CLPX: variants seen among roughly 807,000 people sequenced by gnomAD.
CLPX encodes the protein caseinolytic mitochondrial matrix peptidase chaperone subunit X, also known as ATP-dependent clpX-like chaperone, mitochondrial.
CLPX carries 34 observed loss-of-function variants against 76.4 expected under a neutral mutation model. The ratio of observed to expected loss-of-function variants is 0.45; its 90% CI spans 0.34 to 0.59. The LOEUF is 0.59. CLPX is among the 20% of genes least tolerant of loss of function. CLPX has a pLI of 0.01. For missense variants in CLPX, 613 were observed against 757.0 expected, an observed-to-expected ratio of 0.81 and a Z score of 2.23; for synonymous variants, 248 against 270.9, an observed-to-expected ratio of 0.92 and a Z score of 0.83.
intron 8 of CLPX, among the ~76,000 whole-genome samples, chr15:65,157,332 G>C (rs984478731): frequency 1.3e-5 from 2 of 152,156 alleles, no homozygotes; most frequent in African/African-American, 4.8e-5. Context: ...ACGTGAACAA[G>C]AACAGATGAT....
chr15:65,184,403 G>A (rs776839264), intron 1 of CLPX: 2 of 152,300 alleles, frequency 1.3e-5, no homozygotes, highest in Non-Finnish European at 2.9e-5. Context: ...AAGGACTGCT[G>A]AAACACCCAA....
intron 1 of CLPX, among the ~76,000 whole-genome samples, chr15:65,182,712 A>G (rs984664327): frequency 6.6e-6 from 1 of 152,206 alleles, no homozygotes; most frequent in Admixed American, 6.5e-5. Flanking sequence ...TGTAAACCCC[A>G]GGTGAAGCTC....
intron 4 of CLPX, among the ~76,000 whole-genome samples, chr15:65,165,187 G>A (rs2140628493): frequency 6.6e-6 from 1 of 152,046 alleles, no homozygotes; most frequent in Admixed American, 6.6e-5. Context: ...AATTAGCTGG[G>A]CATAGTGGTA....
intron 12 of CLPX, among the ~76,000 whole-genome samples, chr15:65,153,051 G>T (rs748074869): frequency 6.6e-6 from 1 of 151,662 alleles, no homozygotes; most frequent in South Asian, 2.1e-4. Context: ...GCCCGATCCC[G>T]ATTTTCTGTG....
At chr15:65,158,339 AG>A in intron 7 of CLPX, 1 of 428,366 alleles carries the variant, frequency 2.3e-6, no homozygotes. Context: ...ATTTAGATAT[AG>A]CTGTTTTTTA....
intron 3 of CLPX, among the ~76,000 whole-genome samples, chr15:65,167,359 C>T (rs1168750811): frequency 6.6e-6 from 1 of 152,016 alleles, no homozygotes. Context: ...CGTGAGCCAC[C>T]GCACCCGGCC....
At chr15:65,162,261 C>CAA (rs939902581) in intron 6 of CLPX, among the ~76,000 whole-genome samples, 3 of 151,422 alleles carry the variant, frequency 2.0e-5, no homozygotes, top group Non-Finnish European at 2.9e-5. Flanking sequence ...TTCATAAATA[C>CAA]AAAAAAAACC....
Position 65,152,439 on chromosome 15 carries a change from C to A in CLPX, c.1802G>T (p.Gly601Val). 1 of 1,528,656 alleles carries A rather than the reference C, an allele frequency of 6.5e-7. No homozygotes were observed. Among genetic ancestry groups the A allele is most frequent in the Non-Finnish European group, 8.8e-7 (1 of 1,131,550 alleles). 94.7% of individuals were successfully genotyped at this position (1,528,656 alleles called of 1,614,324 possible). The change falls in exon 13 of 14, where the codon GGA (glycine) becomes GTA (valine). Residue 601 changes from glycine to valine, a missense_variant. Gly to Val is a moderately radical substitution (Grantham distance 109). Coordinates refer to ENST00000300107, the MANE Select transcript of CLPX (RefSeq NM_006660.5). ...KEVVEGKKEP[G>V]YIRAPTKESS... ...TGAAAATACACTTTACCGGATGTAT[C>A]CTGGTTCCTTTTTTCCTTCTACTAC...
chr15:65,185,037 GACA>G, intron 1 of CLPX, 35 bp downstream of exon 1: 1 of 1,205,594 alleles, frequency 8.3e-7, no homozygotes. Context: ...CCCCCCCCCC[GACA>G]GGCTGAGGGC....
chr15:65,156,749 A>C, intron 9 of CLPX, 95 bp downstream of exon 9: 1 of 729,584 alleles, frequency 1.4e-6, no homozygotes, highest in Non-Finnish European at 2.3e-6. Context: ...AATAAAACAG[A>C]ATCTAATTGA....
chr15:65,170,082 G>A (rs2087979375), intron 3 of CLPX, among the ~76,000 whole-genome samples: 1 of 151,958 alleles, frequency 6.6e-6, no homozygotes, highest in South Asian at 2.1e-4. Flanking sequence ...AAGAGCTGCT[G>A]TCTTGCTATG....
intron 3 of CLPX, among the ~76,000 whole-genome samples, chr15:65,172,919 G>A (rs2088030807): frequency 1.3e-5 from 2 of 152,250 alleles, no homozygotes; most frequent in Admixed American, 6.5e-5. Flanking sequence ...GGATGCTGAG[G>A]TGGGAGGACA....
At chr15:65,158,054 G>C (rs2087811668) in intron 7 of CLPX, 144 bp from the exon 8 acceptor site, 2 of 658,856 alleles carry the variant, frequency 3.0e-6, no homozygotes, top group Non-Finnish European at 4.8e-6. Flanking sequence ...TTTTTTTAGA[G>C]ACAGGTTCTT....
intron 11 of CLPX, 35 bp from the exon 12 acceptor site, chr15:65,153,674 T>C: frequency 2.4e-6 from 3 of 1,225,892 alleles, no homozygotes; most frequent in Non-Finnish European, 3.4e-6. Flanking sequence ...ATAACTTTTA[T>C]TGTTAATTTG....
At position 65,154,954 on chromosome 15, in the gene CLPX, C is replaced by T. The variant is rs756151231; in HGVS notation, c.1439G>A (p.Arg480His). Reference protein sequence around the residue: ...QDIEEKDRLLRHVEARDLIEF... With the variant: ...QDIEEKDRLLHHVEARDLIEF... ...AATCAGATCTCTGGCTTCCACATGA[C>T]GCAATAACCGATCTTTTTCTTCAAT... Residue 480 changes from arginine (R) to histidine (H), a missense_variant, in exon 11 of 14, where the codon CGT becomes CAT. Arg to His is a conservative substitution (Grantham distance 29, BLOSUM62 0). Transcript: ENST00000300107. 1.5e-5 allele frequency: 24 copies of T among 1,614,102 alleles called. No individual in the cohort carries two copies. The highest frequency in any genetic ancestry group is 1.7e-4 in the Middle Eastern group (1 of 6,060).
rs1201682565 is a variant in CLPX, at chr15:65,154,953, A to C, written c.1440T>G (p.Arg480=). The C allele has an allele frequency of 6.2e-7, 1 of 1,614,130 alleles. No individual in the cohort carries two copies. ...CAATCAGATCTCTGGCTTCCACATGACGCAATAACCGATCTTTTTCTTCAA... is the reference window on the plus strand; with the variant it reads ...CAATCAGATCTCTGGCTTCCACATGCCGCAATAACCGATCTTTTTCTTCAA... ...QDIEEKDRLL[R]HVEARDLIEF... The change falls in exon 11 of 14, where the codon CGT becomes CGG. Residue 480 remains arginine (R), a synonymous_variant. Coordinates refer to ENST00000300107, the MANE Select transcript of CLPX (RefSeq NM_006660.5).
At chr15:65,165,714 A>G (rs1329429984) in intron 4 of CLPX, among the ~76,000 whole-genome samples, 4 of 152,128 alleles carry the variant, frequency 2.6e-5, no homozygotes, top group East Asian at 1.9e-4. Flanking sequence ...TTTAACTCAC[A>G]TGTCTAAAGT....
intron 3 of CLPX, among the ~76,000 whole-genome samples, chr15:65,176,414 C>T (rs140841118): frequency 6.6e-6 from 1 of 152,254 alleles, no homozygotes; most frequent in African/African-American, 2.4e-5. Context: ...ATCTTCACTG[C>T]TATGTGACCT....
chr15:65,179,090 T>C, intron 2 of CLPX, 39 bp from the exon 3 acceptor site: 1 of 1,313,310 alleles, frequency 7.6e-7, no homozygotes, highest in Non-Finnish European at 1.1e-6. Flanking sequence ...GAGTGTCAAT[T>C]ATTAGTTTCA....
Sources: gnomAD v4.1 joint callset for allele counts (sites outside exome capture counted in the v4.1 genomes callset) on GRCh38, gnomAD v4.1.1 for gene constraint, MANE v1.5 for transcripts, NCBI Gene and HGNC (gene_info 2026-07-23, HGNC 2026-07-21) for gene names.